Variants in IFT140 observed in about 807,000 individuals in gnomAD.
IFT140 encodes the protein intraflagellar transport protein 140 homolog.
IFT140 carries 133 observed loss-of-function variants against 164.6 expected under a neutral mutation model. That is an observed-to-expected ratio of 0.81 (90% CI 0.70 to 0.93). The LOEUF (loss-of-function observed/expected upper bound fraction) is 0.93. Ranked by LOEUF, IFT140 falls within the 40% of genes least tolerant of loss-of-function variation. The pLI is 0.00. For missense variants in IFT140, 2,045 were observed against 1,972.3 expected, an observed-to-expected ratio of 1.04 and a Z score of -0.70; for synonymous variants, 860 against 817.3, an observed-to-expected ratio of 1.05 and a Z score of -0.89.
rs1198039068 is a variant in IFT140 at position 1,599,790 on chromosome 16, C to G, written c.369+2580G>C. Among the ~76,000 whole-genome samples the G allele has an allele frequency of 6.7e-5, 5 of 74,634 alleles. 1 individual carries two copies. The highest frequency in any genetic ancestry group is 9.5e-5 in the Non-Finnish European group (4 of 41,928). 49.0% of individuals were successfully genotyped at this position (74,634 alleles called of 152,430 possible). ...TCCGGGAGGGAGGTGGGGGTGTCAG[C>G]CCCCCGCCCGGCCAGCCGCCCCGTC... On this transcript the variant is annotated intron_variant, in intron 4 of 30. Coordinates refer to ENST00000426508, the MANE Select transcript of IFT140 (RefSeq NM_014714.4).
intron 9 of IFT140, among the ~76,000 whole-genome samples, chr16:1,586,893 G>A (rs775530546): frequency 1.3e-5 from 2 of 152,198 alleles, no homozygotes; most frequent in African/African-American, 2.4e-5. Flanking sequence ...TTTTTGTGGA[G>A]ACGGGGTCTC....
At chr16:1,511,838 G>A (rs2040169100) in intron 30 of IFT140, among the ~76,000 whole-genome samples, 1 of 151,938 alleles carries the variant, frequency 6.6e-6, no homozygotes, top group South Asian at 2.1e-4. Flanking sequence ...AGGGGACACA[G>A]GACGTAAGGG....
chr16:1,584,187 G>A (rs1291029824), intron 11 of IFT140, 30 bp downstream of exon 11: 5 of 1,597,150 alleles, frequency 3.1e-6, no homozygotes, highest in Non-Finnish European at 4.3e-6. Flanking sequence ...TTCTGTCTGT[G>A]TCCCACCCAC....
chr16:1,592,171 CT>C lies in IFT140; in HGVS notation c.634+4del. ...CCCCTGAGAATCACAACCAAAGTTC[CT>C]CACCGTCCATCAGACTGACAAAGAA... On this transcript the variant is annotated splice_donor_region_variant and intron_variant, in intron 6 of 30. Coordinates refer to ENST00000426508, the MANE Select transcript of IFT140 (RefSeq NM_014714.4). 1 of 1,614,118 alleles carries C rather than the reference CT, an allele frequency of 6.2e-7. No individual in the cohort carries two copies. The highest frequency in any genetic ancestry group is 8.5e-7 in the Non-Finnish European group (1 of 1,180,012).
Position 1,519,960 on chromosome 16 carries a change from TCTTGGC to T in IFT140, c.3955_3960del (p.Ala1319_Lys1320del), listed in dbSNP as rs746697405. 3,289 of 1,607,122 alleles carry T rather than the reference TCTTGGC, an allele frequency of 2.0e-3. 8 individuals are homozygous for T. The highest frequency in any genetic ancestry group is 2.5e-3 in the Non-Finnish European group (2,955 of 1,177,390). The stretch of plus-strand genomic sequence containing the variant: ...AGCCTGGTCTCCTGGTCCAGGGGGC[TCTTGGC>T]CTTGGCCTTGGCCAGGCACTTGTAG... On this transcript the variant is annotated inframe_deletion, in exon 29 of 31. Coordinates refer to ENST00000426508, the MANE Select transcript of IFT140 (RefSeq NM_014714.4).
At position 1,512,427 on chromosome 16, in the gene IFT140, C is replaced by T. The variant is rs568569637; in HGVS notation, c.4183-1277G>A. Reference sequence around the variant, plus strand: ...TGGCGCTACAGCAGCAGCCAGGGAGCGTGTGCCTGGGCATTCTCAGTTTAG... The same window carrying T: ...TGGCGCTACAGCAGCAGCCAGGGAGTGTGTGCCTGGGCATTCTCAGTTTAG... On this transcript the variant is annotated intron_variant, in intron 30 of 30. Coordinates refer to ENST00000426508, the MANE Select transcript of IFT140 (RefSeq NM_014714.4). 9.9e-5 allele frequency among the ~76,000 whole-genome samples: 15 copies of T among 152,222 alleles called. No homozygotes were observed. In the South Asian group the frequency reaches 2.9e-3, roughly 29 times the overall value.
chr16:1,592,511 C>T lies in IFT140; in HGVS notation c.447G>A (p.Gly149=). 6.2e-7 allele frequency: 1 copy of T among 1,614,228 alleles called. No homozygotes were observed. Among genetic ancestry groups the T allele is most frequent in the South Asian group, 1.1e-5 (1 of 91,080 alleles). ...GGAAGATGCAGTGCGTGAGGTGTTT[C>T]CCATACTCGTGTTTCAGCAGAGGCG... ...QGTPLLKHEY[G]KHLTHCIFRL... is the part of the protein sequence containing the mutation. The change falls in exon 5 of 31, where the codon GGG becomes GGA. Residue 149 remains glycine, a synonymous_variant. Coordinates refer to ENST00000426508, the MANE Select transcript of IFT140 (RefSeq NM_014714.4).
At chr16:1,581,747 GAGGGGAGC>G in intron 12 of IFT140, among the ~76,000 whole-genome samples, 1 of 99,936 alleles carries the variant, frequency 1.0e-5, no homozygotes, top group African/African-American at 4.0e-5. Context: ...CGGGGGAGGG[GAGGGGAGC>G]GGGGGGTGGG....
intron 14 of IFT140, among the ~76,000 whole-genome samples, chr16:1,571,081 TAC>T (rs1217032052): frequency 1.3e-5 from 2 of 152,190 alleles, no homozygotes; most frequent in Admixed American, 6.5e-5. Context: ...AACATTTGTA[TAC>T]ATTAAGGTTC....
Position 1,533,898 on chromosome 16 carries a change from C to G in IFT140, c.2400-7102G>C, listed in dbSNP as rs937633249. 3.4e-6 allele frequency: 1 copy of G among 294,308 alleles called. No homozygotes were observed. Among genetic ancestry groups the G allele is most frequent in the African/African-American group, 2.3e-5 (1 of 43,360 alleles). 18.2% of individuals were successfully genotyped at this position (294,308 alleles called of 1,614,324 possible). A position where few individuals can be genotyped will look rare whatever the true frequency, so the allele number is the denominator to read the frequency against. On this transcript the variant is annotated intron_variant, in intron 19 of 30. Transcript: ENST00000426508. This position sits in a 1 kb window ranked among gnomAD's most constrained non-coding sequence, Gnocchi z 4.7. ...GCGCGGGCTCGACTCCCACTGCTGC[C>G]GGCCTCCCGAGTGACTCTGTTTTCC... is the stretch of plus-strand genomic sequence containing the variant.
rs1282920198 is a variant in IFT140 at position 1,587,935 on chromosome 16, G to A, written c.900C>T (p.Leu300=). The A allele has an allele frequency of 1.2e-6, 2 of 1,609,752 alleles. No homozygotes were observed. The highest frequency in any genetic ancestry group is 1.7e-6 in the Non-Finnish European group (2 of 1,177,906). The change falls in exon 8 of 31, where the codon CTC becomes CTT. Residue 300 remains leucine, a splice_region_variant and synonymous_variant. Transcript: ENST00000426508. ...GCACTGGAAAGGCAGACTCTCACCT[G>A]AGGGCAGCCTCCCCGACGGCCATCA... ...LLVMAVGEAA[L]RFWDIERGEN...
intron 19 of IFT140, among the ~76,000 whole-genome samples, chr16:1,555,768 A>G (rs961306084): frequency 6.6e-5 from 10 of 152,116 alleles, no homozygotes; most frequent in African/African-American, 2.4e-4. Flanking sequence ...CTCTCTGATC[A>G]ACAACTAGTA....
At chr16:1,526,909 TGAG>T (rs1223873768) in intron 19 of IFT140, 113 bp from the exon 20 acceptor site, 10 of 1,211,768 alleles carry the variant, frequency 8.3e-6, no homozygotes, top group Admixed American at 7.8e-5. Context: ...CAAACGGGCA[TGAG>T]GAGGGGCCTT....
chr16:1,541,278 G>T, intron 19 of IFT140: 1 of 985,368 alleles, frequency 1.0e-6, no homozygotes, highest in Non-Finnish European at 1.2e-6. Flanking sequence ...GCCCCAGGAG[G>T]TGAGGGGGGC....
rs749849877 is a variant in IFT140, at chr16:1,524,579, G to A, written c.3114C>T (p.Ala1038=). 1.9e-6 allele frequency: 3 copies of A among 1,611,330 alleles called. No individual in the cohort carries two copies. In the East Asian group the frequency reaches 6.7e-5, roughly 36 times the overall value. ...TGCACAGGCGGATGGCATTCTTGAA[G>A]GCCTGTGCCCGGGTGTAGAAGTGCA... ...QAVHFYTRAQ[A]FKNAIRLCKE... is the part of the protein sequence containing the mutation. The change falls in exon 24 of 31, where the codon GCC becomes GCT. Residue 1038 remains alanine (A), a synonymous_variant. Coordinates refer to ENST00000426508, the MANE Select transcript of IFT140 (RefSeq NM_014714.4).
chr16:1,525,043 G>A (rs2040643071), intron 22 of IFT140, 127 bp from the exon 23 acceptor site: 1 of 1,384,382 alleles, frequency 7.2e-7, no homozygotes, highest in Non-Finnish European at 9.8e-7. Context: ...TGGGCCAAGA[G>A]TGAGGACCCC....
chr16:1,568,173 A>G, intron 15 of IFT140, 44 bp downstream of exon 15: 1 of 1,391,300 alleles, frequency 7.2e-7, no homozygotes, highest in Non-Finnish European at 1.0e-6. Flanking sequence ...GGGAGGACAG[A>G]GGTGAGGAGG....
chr16:1,520,111 A>G lies in IFT140; in HGVS notation c.3873+20T>C. The G allele has an allele frequency of 6.2e-7, 1 of 1,612,140 alleles. No homozygotes were observed. Among genetic ancestry groups the G allele is most frequent in the East Asian group, 2.2e-5 (1 of 44,814 alleles). ...CAGCCCTCCCCGGGGCCCCGCTGGC[A>G]TGCCAGGGAGGGCCTGCACCTGGGC... is the stretch of plus-strand genomic sequence containing the variant. On this transcript the variant is annotated intron_variant, in intron 28 of 30. Coordinates refer to ENST00000426508, the MANE Select transcript of IFT140 (RefSeq NM_014714.4).
intron 4 of IFT140, among the ~76,000 whole-genome samples, chr16:1,598,251 G>C (rs552255409): frequency 6.6e-6 from 1 of 152,338 alleles, no homozygotes; most frequent in African/African-American, 2.4e-5. Flanking sequence ...GAGGTCAGGA[G>C]ATCAAGACCA....
Sources: gnomAD v4.1 joint callset for allele counts (sites outside exome capture counted in the v4.1 genomes callset) on GRCh38, gnomAD v4.1.1 for gene constraint, Gnocchi (gnomAD v3.1) non-coding constraint, MANE v1.5 for transcripts, NCBI Gene and HGNC (gene_info 2026-07-23, HGNC 2026-07-21) for gene names.